The following DNAJC3 variants were observed in gnomAD, a reference collection of about 807,000 sequenced individuals.
The protein encoded by DNAJC3 is DnaJ heat shock protein family (Hsp40) member C3.
DNAJC3 carries 38 observed loss-of-function variants against 68.6 expected under a neutral mutation model. The ratio of observed to expected loss-of-function variants is 0.55; its 90% CI spans 0.43 to 0.73. The LOEUF (loss-of-function observed/expected upper bound fraction) is 0.73, where lower values mean the gene tolerates loss of function less well. Among genes scored for constraint, DNAJC3 ranks in the 30% least tolerant of loss-of-function variants. The pLI, the probability that DNAJC3 is intolerant of heterozygous loss-of-function variation, is 0.00. For missense variants in DNAJC3, 526 were observed against 591.9 expected (o/e 0.89, Z 1.16); for synonymous variants, 203 against 204.0 (o/e 1.00, Z 0.04).
chr13:95,751,519 G>A (rs980521864), intron 4 of DNAJC3, among the ~76,000 whole-genome samples: 1 of 152,134 alleles, frequency 6.6e-6, no homozygotes, highest in Non-Finnish European at 1.5e-5. Context: ...GATTTCTTAG[G>A]ATACCTCCAT....
At chr13:95,678,282 T>G (rs1879820247) in intron 1 of DNAJC3, among the ~76,000 whole-genome samples, 3 of 152,124 alleles carry the variant, frequency 2.0e-5, no homozygotes, top group African/African-American at 7.3e-5. Context: ...GGAGGTCAAA[T>G]TAAACCTTTG....
intron 9 of DNAJC3, among the ~76,000 whole-genome samples, chr13:95,766,402 T>A (rs938302988): frequency 1.3e-5 from 2 of 152,182 alleles, no homozygotes; most frequent in African/African-American, 2.4e-5. Flanking sequence ...TTTTAATAGC[T>A]TTTGAGAGGA....
intron 4 of DNAJC3, among the ~76,000 whole-genome samples, chr13:95,732,388 A>T (rs1412572942): frequency 6.6e-6 from 1 of 152,160 alleles, no homozygotes; most frequent in African/African-American, 2.4e-5. Context: ...CAGCCTTGGT[A>T]GGTTCAGCCT....
intron 1 of DNAJC3, among the ~76,000 whole-genome samples, chr13:95,697,202 A>G (rs1402191098): frequency 6.6e-6 from 1 of 152,082 alleles, no homozygotes; most frequent in Non-Finnish European, 1.5e-5. Flanking sequence ...CGCTTTTCTT[A>G]TAGGTCTAGT....
intron 1 of DNAJC3, among the ~76,000 whole-genome samples, chr13:95,695,895 A>G (rs1383573181): frequency 6.6e-6 from 1 of 152,210 alleles, no homozygotes; most frequent in Admixed American, 6.5e-5. Flanking sequence ...TTTTTGGCAC[A>G]TATTTTAACT....
chr13:95,704,851 G>GTGTTTTTTTTTTT (rs1555323371), intron 1 of DNAJC3, among the ~76,000 whole-genome samples: 1 of 97,860 alleles, frequency 1.0e-5, no homozygotes, highest in African/African-American at 6.0e-5. Flanking sequence ...GTGTGTGTGT[G>GTGTTTTTTTTTTT]TTTTTTTTTT....
chr13:95,678,444 T>G (rs191610084), intron 1 of DNAJC3, among the ~76,000 whole-genome samples: 1 of 152,246 alleles, frequency 6.6e-6, no homozygotes, highest in Admixed American at 6.5e-5. Context: ...CTTCCCCTGG[T>G]AACCATATTT....
At chr13:95,742,040 C>G (rs1434411656) in intron 4 of DNAJC3, among the ~76,000 whole-genome samples, 1 of 152,152 alleles carries the variant, frequency 6.6e-6, no homozygotes, top group Admixed American at 6.5e-5. Flanking sequence ...GTGCTGCAGT[C>G]CTGCTACTGG....
intron 3 of DNAJC3, 95 bp downstream of exon 3, chr13:95,723,461 G>GA: frequency 1.5e-6 from 2 of 1,375,348 alleles, no homozygotes; most frequent in Non-Finnish European, 9.8e-7. Context: ...GCTAGACATA[G>GA]CTGGAAGAGA....
intron 4 of DNAJC3, among the ~76,000 whole-genome samples, chr13:95,739,241 C>G (rs1469683308): frequency 3.9e-5 from 6 of 152,188 alleles, no homozygotes; most frequent in Non-Finnish European, 8.8e-5. Flanking sequence ...ACCTTCCTCT[C>G]TGGCTGCCCT....
At chr13:95,755,065 T>C (rs2139670430) in intron 4 of DNAJC3, among the ~76,000 whole-genome samples, 1 of 151,344 alleles carries the variant, frequency 6.6e-6, no homozygotes, top group South Asian at 2.1e-4. Context: ...AATGAGGGAA[T>C]TGTCAGCAAG....
At chr13:95,749,022 C>A (rs1307517050) in intron 4 of DNAJC3, among the ~76,000 whole-genome samples, 1 of 152,144 alleles carries the variant, frequency 6.6e-6, no homozygotes, top group African/African-American at 2.4e-5. Context: ...CTGTAATTCA[C>A]CAACTGTAAG....
chr13:95,782,590 C>T (rs999399974), intron 9 of DNAJC3, among the ~76,000 whole-genome samples: 13 of 152,172 alleles, frequency 8.5e-5, no homozygotes, highest in African/African-American at 3.1e-4. Context: ...CTGTTGGCTG[C>T]ATACATGTCT....
intron 1 of DNAJC3, chr13:95,693,982 A>G (rs1044967626): frequency 7.9e-5 from 12 of 152,082 alleles, no homozygotes; most frequent in South Asian, 2.1e-4. Context: ...TATCTACTCT[A>G]TTACCCCAAG....
In DNAJC3 at chr13:95,699,111, C is replaced by G. The variant is rs377266652; in HGVS notation, c.83-10116C>G. Reference sequence around the variant, plus strand: ...TATGGGGAAAGAAGGGTCTGCACCACCAGCTCTTAGACTGTGGCAAGTTCT... The same window carrying G: ...TATGGGGAAAGAAGGGTCTGCACCAGCAGCTCTTAGACTGTGGCAAGTTCT... On this transcript the variant is annotated intron_variant, in intron 1 of 11. Coordinates refer to ENST00000602402, the MANE Select transcript of DNAJC3 (RefSeq NM_006260.5). 3.2e-4 allele frequency among the ~76,000 whole-genome samples: 49 copies of G among 152,288 alleles called. 1 individual carries two copies. In the South Asian group the frequency reaches 9.7e-3, roughly 30 times the overall value.
chr13:95,721,250 A>G (rs1398476514), intron 2 of DNAJC3, among the ~76,000 whole-genome samples: 1 of 152,188 alleles, frequency 6.6e-6, no homozygotes, highest in African/African-American at 2.4e-5. Flanking sequence ...ATTTCTCTGT[A>G]AGGCTGAATG....
At chr13:95,771,861 T>G (rs991774783) in intron 9 of DNAJC3, among the ~76,000 whole-genome samples, 7 of 151,904 alleles carry the variant, frequency 4.6e-5, no homozygotes, top group Non-Finnish European at 1.0e-4. Flanking sequence ...TTCTAGATCT[T>G]CATATAAATA....
intron 4 of DNAJC3, among the ~76,000 whole-genome samples, chr13:95,727,125 T>C (rs749381370): frequency 3.9e-5 from 6 of 151,992 alleles, no homozygotes; most frequent in Non-Finnish European, 8.8e-5. Context: ...ATTTGTCAAA[T>C]GGATGAATGA....
intron 7 of DNAJC3, among the ~76,000 whole-genome samples, chr13:95,761,060 A>T (rs767751588): frequency 3.9e-5 from 6 of 152,230 alleles, no homozygotes; most frequent in Non-Finnish European, 8.8e-5. Context: ...AGGCTGAGCT[A>T]TGTACTGAGG....
Sources: gnomAD v4.1 joint callset for allele counts (sites outside exome capture counted in the v4.1 genomes callset) on GRCh38, gnomAD v4.1.1 for gene constraint, MANE v1.5 for transcripts, NCBI Gene and HGNC (gene_info 2026-07-23, HGNC 2026-07-21) for gene names.